PLPPR1: variants seen among roughly 807,000 people sequenced by gnomAD.
PLPPR1 encodes the protein phospholipid phosphatase-related protein type 1.
PLPPR1 carries 10 observed loss-of-function variants against 33.1 expected under a neutral mutation model. The ratio of observed to expected loss-of-function variants is 0.30; its 90% confidence interval spans 0.19 to 0.51. The LOEUF is 0.51. PLPPR1 is among the 20% of genes least tolerant of loss of function. The probability of loss-of-function intolerance (pLI) is 0.97; values close to 1 mark genes in which losing one functional copy is unlikely to be tolerated. For missense variants in PLPPR1, 304 were observed against 408.1 expected (o/e 0.74, Z 2.20); for synonymous variants, 151 against 151.0 (o/e 1.00, Z 0.00).
At chr9:101,301,898 G>A (rs1828761499) in intron 4 of PLPPR1, among the ~76,000 whole-genome samples, 1 of 152,120 alleles carries the variant, frequency 6.6e-6, no homozygotes, top group Admixed American at 6.5e-5. Context: ...TTTCATGAGG[G>A]ACATGTTATA....
chr9:101,293,175 G>T (rs1253330235), intron 4 of PLPPR1, among the ~76,000 whole-genome samples: 67 of 151,142 alleles, frequency 4.4e-4, no homozygotes, highest in South Asian at 1.5e-3. Context: ...AAAACAGACT[G>T]TAAACCAACA....
At chr9:101,256,523 G>T (rs1462924285) in intron 2 of PLPPR1, among the ~76,000 whole-genome samples, 1 of 152,122 alleles carries the variant, frequency 6.6e-6, no homozygotes, top group African/African-American at 2.4e-5. Context: ...CACCAGAATT[G>T]CTCCAAAGCA....
intron 2 of PLPPR1, among the ~76,000 whole-genome samples, chr9:101,241,817 T>A (rs182231943): frequency 8.2e-4 from 125 of 152,220 alleles, no homozygotes; most frequent in Non-Finnish European, 1.5e-3. Flanking sequence ...CACAACGGTT[T>A]ATCGTTACCA....
chr9:101,177,437 G>A (rs949914606), intron 1 of PLPPR1, among the ~76,000 whole-genome samples: 5 of 152,140 alleles, frequency 3.3e-5, no homozygotes, highest in South Asian at 4.2e-4. Flanking sequence ...AAACAAAACT[G>A]ATGTATGTTT....
intron 1 of PLPPR1, among the ~76,000 whole-genome samples, chr9:101,086,607 C>A (rs766814778): frequency 2.0e-5 from 3 of 152,168 alleles, no homozygotes; most frequent in Non-Finnish European, 4.4e-5. Context: ...CACACCACTG[C>A]TCATAGAAAT....
chr9:101,030,928 G>C (rs945970178), intron 1 of PLPPR1, among the ~76,000 whole-genome samples: 90 of 149,976 alleles, frequency 6.0e-4, no homozygotes, highest in African/African-American at 2.2e-3. Flanking sequence ...AAGGTGAAAA[G>C]CTTTTTTAAG....
intron 1 of PLPPR1, among the ~76,000 whole-genome samples, chr9:101,157,377 G>T (rs1356815406): frequency 1.3e-5 from 2 of 152,144 alleles, no homozygotes; most frequent in Non-Finnish European, 2.9e-5. Flanking sequence ...TTTAGTCTTG[G>T]ATATATGAAC....
intron 2 of PLPPR1, among the ~76,000 whole-genome samples, chr9:101,242,331 G>T (rs1489332962): frequency 5.9e-5 from 9 of 151,632 alleles, no homozygotes; most frequent in Admixed American, 5.9e-4. Flanking sequence ...CCTTCAGGGA[G>T]AGGAGAATTA....
At chr9:101,160,452 A>G (rs1831758041) in intron 1 of PLPPR1, among the ~76,000 whole-genome samples, 1 of 152,108 alleles carries the variant, frequency 6.6e-6, no homozygotes, top group African/African-American at 2.4e-5. Context: ...CACTTTTATT[A>G]TTCTTTGATC....
At chr9:101,045,871 T>G (rs978185990) in intron 1 of PLPPR1, among the ~76,000 whole-genome samples, 5 of 152,238 alleles carry the variant, frequency 3.3e-5, no homozygotes, top group African/African-American at 1.2e-4. Context: ...GCATCTGAGC[T>G]GTCTGTAAAT....
intron 2 of PLPPR1, among the ~76,000 whole-genome samples, chr9:101,260,152 C>A (rs979478891): frequency 8.5e-5 from 13 of 152,072 alleles, no homozygotes; most frequent in Non-Finnish European, 1.8e-4. Context: ...GAACACTAAT[C>A]CTATTCATGA....
intron 1 of PLPPR1, among the ~76,000 whole-genome samples, chr9:101,086,746 C>T (rs945759616): frequency 3.4e-4 from 52 of 152,244 alleles, no homozygotes; most frequent in Middle Eastern, 3.4e-3. Flanking sequence ...AGGCCAATAG[C>T]CACAAATCCA....
intron 5 of PLPPR1, among the ~76,000 whole-genome samples, chr9:101,310,986 T>A (rs1891219): frequency 0.26 from 39,566 of 152,054 alleles, 5,403 homozygotes; most frequent in African/African-American, 0.32. Context: ...GTATTTTTTT[T>A]AAACAAATAA....
intron 2 of PLPPR1, among the ~76,000 whole-genome samples, chr9:101,227,655 C>A (rs1827099227): frequency 6.6e-6 from 1 of 152,190 alleles, no homozygotes; most frequent in Non-Finnish European, 1.5e-5. Flanking sequence ...TCAGGCTATA[C>A]ATAATTTCAT....
intron 1 of PLPPR1, among the ~76,000 whole-genome samples, chr9:101,184,840 T>C (rs1199066762): frequency 6.6e-6 from 1 of 151,968 alleles, no homozygotes; most frequent in Non-Finnish European, 1.5e-5. Flanking sequence ...GTTATGCCTT[T>C]ACTGTTTTAT....
At chr9:101,042,701 C>T (rs1418341965) in intron 1 of PLPPR1, among the ~76,000 whole-genome samples, 2 of 151,978 alleles carry the variant, frequency 1.3e-5, no homozygotes, top group African/African-American at 4.8e-5. Flanking sequence ...ATACTTTTGA[C>T]CAAAAGAAAG....
chr9:101,139,141 A>T (rs1411398489), intron 1 of PLPPR1, among the ~76,000 whole-genome samples: 3 of 152,212 alleles, frequency 2.0e-5, no homozygotes, highest in Non-Finnish European at 4.4e-5. Flanking sequence ...TACATGAAAA[A>T]AAAACTACCC....
chr9:101,294,378 G>C (rs1828579809), intron 4 of PLPPR1, among the ~76,000 whole-genome samples: 1 of 151,828 alleles, frequency 6.6e-6, no homozygotes, highest in South Asian at 2.1e-4. Flanking sequence ...GAGGTACAAG[G>C]AGGAACTGGT....
chr9:101,313,123 T>C, intron 6 of PLPPR1, 149 bp downstream of exon 6: 1 of 732,252 alleles, frequency 1.4e-6, no homozygotes, highest in Non-Finnish European at 2.2e-6. Context: ...ATGCTTTTGC[T>C]ACAAAAATGA....
Sources: allele counts gnomAD v4.1 joint callset (sites outside exome capture counted in the v4.1 genomes callset), GRCh38; gene constraint gnomAD v4.1.1; transcripts MANE v1.5; gene names NCBI Gene and HGNC (gene_info 2026-07-23, HGNC 2026-07-21).